Variants in CALML4 observed in about 807,000 individuals in gnomAD.
CALML4 encodes the protein calmodulin-like protein 4.
Under a neutral mutation model 17.9 loss-of-function variants are expected in CALML4, and 16 were observed. The ratio of observed to expected loss-of-function variants is 0.89; its 90% confidence interval spans 0.61 to 1.36. The LOEUF is 1.36. Among genes scored for constraint, CALML4 ranks in the 40% most tolerant of loss-of-function variants. The pLI, the probability that CALML4 is intolerant of heterozygous loss-of-function variation, is 0.00. For missense variants in CALML4, 203 were observed against 194.8 expected, an observed-to-expected ratio of 1.04 and a Z score of -0.25; for synonymous variants, 86 against 71.5, an observed-to-expected ratio of 1.20 and a Z score of -1.02.
At chr15:68,203,595 T>C (rs950124931) in intron 2 of CALML4, among the ~76,000 whole-genome samples, 2 of 152,244 alleles carry the variant, frequency 1.3e-5, no homozygotes, top group African/African-American at 4.8e-5. Flanking sequence ...TGGCTCTTGC[T>C]AGCTGTAGTG....
chr15:68,199,575 C>A lies in CALML4; in HGVS notation c.141G>T (p.Gly47=). 1 of 1,613,798 alleles carries A rather than the reference C, an allele frequency of 6.2e-7. No individual in the cohort carries two copies. The highest frequency in any genetic ancestry group is 8.5e-7 in the Non-Finnish European group (1 of 1,179,958). Reference sequence around the variant, plus strand: ...GGGTCTGCAGGTGCCGCTGCACCTCCCCTGGCGTCGGGCTGGCCCCCAGGC... The same window carrying A: ...GGGTCTGCAGGTGCCGCTGCACCTCACCTGGCGTCGGGCTGGCCCCCAGGC... ...MRCLGASPTP[G]EVQRHLQTHG... The change falls in exon 3 of 5, where the codon GGG becomes GGT. Residue 47 remains glycine (G), a synonymous_variant. Transcript: ENST00000467889.
In CALML4 at chr15:68,205,146, C is replaced by G. The variant is rs925853068; in HGVS notation, c.9G>C (p.Lys3Asn). The change falls in exon 2 of 5, where the codon AAG (lysine) becomes AAC (asparagine). Residue 3 changes from lysine (K) to asparagine (N), a missense_variant. Lys to Asn is a moderately conservative substitution (Grantham distance 94, BLOSUM62 0). Transcript: ENST00000467889. This position sits in a 1 kb window ranked among gnomAD's most constrained non-coding sequence, Gnocchi z 4.8. ...CATTAATTTGGTCTTGGGAAAGAAA[C>G]TTGGCCTGCAGCAGAGAAAGGAAAA... is the stretch of plus-strand genomic sequence containing the variant. MA[K>N]FLSQDQINEY... The G allele has an allele frequency of 6.2e-7, 1 of 1,614,030 alleles. No homozygotes were observed. Among genetic ancestry groups the G allele is most frequent in the Non-Finnish European group, 8.5e-7 (1 of 1,180,044 alleles).
rs1323099769 is a variant in CALML4 at position 68,197,842 on chromosome 15, G to A, written c.176-214C>T. 2.0e-5 allele frequency: 11 copies of A among 544,424 alleles called. No individual in the cohort carries two copies. Among genetic ancestry groups the A allele is most frequent in the Admixed American group, 6.3e-5 (2 of 31,638 alleles). The allele number at this position is 544,424 out of a possible 1,614,324, so 33.7% of individuals were successfully genotyped here. A position where few individuals can be genotyped will look rare whatever the true frequency, so the allele number is the denominator to read the frequency against. On this transcript the variant is annotated intron_variant, in intron 3 of 4. Transcript: ENST00000467889. The surrounding 1 kb of genome is among the most constrained non-coding windows in gnomAD (Gnocchi z 4.1). Reference sequence around the variant, plus strand: ...ACTGGACATTCTTCATTTCAGCAACGTCCTCAGTGACGATGCTTATCATCA... The same window carrying A: ...ACTGGACATTCTTCATTTCAGCAACATCCTCAGTGACGATGCTTATCATCA...
chr15:68,200,511 C>T lies in CALML4; in HGVS notation c.35-830G>A, dbSNP rs574358539. Among the ~76,000 whole-genome samples the T allele has an allele frequency of 1.3e-5, 2 of 152,342 alleles. No homozygotes were observed. Among genetic ancestry groups the T allele is most frequent in the East Asian group, 3.9e-4 (2 of 5,178 alleles). ...ACACAGCCATCCCACGGGCTCCCGGCCCTGGGAGGCCCAGGAAGGCCAGCT... is the reference window on the plus strand; with the variant it reads ...ACACAGCCATCCCACGGGCTCCCGGTCCTGGGAGGCCCAGGAAGGCCAGCT... On this transcript the variant is annotated intron_variant, in intron 2 of 4. Coordinates refer to ENST00000467889, the MANE Select transcript of CALML4 (RefSeq NM_033429.3). This position sits in a 1 kb window ranked among gnomAD's most constrained non-coding sequence, Gnocchi z 4.3.
upstream of CALML4, chr15:68,205,590 C>T: frequency 1.7e-6 from 1 of 590,024 alleles, no homozygotes; most frequent in Non-Finnish European, 3.0e-6. The surrounding 1 kb of genome is among the most constrained non-coding windows in gnomAD (Gnocchi z 4.8). Context: ...TTCTCTCTCT[C>T]TCCTGGGACT....
At chr15:68,199,741 T>TCC in intron 2 of CALML4, 60 bp from the exon 3 acceptor site, 1 of 1,547,430 alleles carries the variant, frequency 6.5e-7, no homozygotes. Flanking sequence ...CATGCCGCCC[T>TCC]CCCCATCCTT....
Position 68,197,540 on chromosome 15 carries a change from T to C in CALML4, c.264A>G (p.Leu88=), listed in dbSNP as rs1171891635. The change falls in exon 4 of 5, where the codon CTA becomes CTG. Residue 88 remains leucine (L), a synonymous_variant. Coordinates refer to ENST00000467889, the MANE Select transcript of CALML4 (RefSeq NM_033429.3). The surrounding 1 kb of genome is among the most constrained non-coding windows in gnomAD (Gnocchi z 4.1). ...TCTCCTTGTCCACCATCAACATGGC[T>C]AGAAGAATTTCTTTCTTTGGGTCTT... The part of the protein sequence containing the change: ...KQEDPKKEIL[L]AMLMVDKEKK... 1.9e-6 allele frequency: 3 copies of C among 1,614,024 alleles called. No homozygotes were observed. The African/African-American group carries it at 4.0e-5, about 22-fold the overall frequency.
upstream of CALML4, chr15:68,205,523 G>T: frequency 1.1e-6 from 1 of 949,780 alleles, no homozygotes; most frequent in Non-Finnish European, 1.5e-6. The surrounding 1 kb of genome is among the most constrained non-coding windows in gnomAD (Gnocchi z 4.8). Flanking sequence ...AGAAGCCGAA[G>T]CAAAGGGACA....
intron 2 of CALML4, among the ~76,000 whole-genome samples, chr15:68,202,805 G>A (rs1269134635): frequency 5.3e-5 from 7 of 132,578 alleles, no homozygotes; most frequent in East Asian, 2.1e-4. Flanking sequence ...CACCATGACC[G>A]GCTTTTTTTT....
chr15:68,195,803 A>G (rs2093141955), intron 4 of CALML4, among the ~76,000 whole-genome samples: 2 of 152,206 alleles, frequency 1.3e-5, no homozygotes. Context: ...TCTGTGAAAC[A>G]GTCCTCTGCT....
chr15:68,196,445 TTTA>T (rs1421990881), intron 4 of CALML4, among the ~76,000 whole-genome samples: 1 of 151,916 alleles, frequency 6.6e-6, no homozygotes, highest in Non-Finnish European at 1.5e-5. Context: ...CCTCCAGTGG[TTTA>T]TTGTGATTTA....
upstream of CALML4, chr15:68,205,425 C>T (rs750242715): frequency 4.3e-6 from 7 of 1,609,290 alleles, no homozygotes; most frequent in South Asian, 6.6e-5. This position sits in a 1 kb window ranked among gnomAD's most constrained non-coding sequence, Gnocchi z 4.8. Flanking sequence ...TTCCTGAGCA[C>T]AGCTCATGAC....
intron 3 of CALML4, chr15:68,198,081 C>G (rs1356726458): frequency 2.6e-5 from 4 of 155,352 alleles, no homozygotes; most frequent in African/African-American, 9.6e-5. Context: ...GCTCACCTGC[C>G]TTCCCCTCAC....
intron 2 of CALML4, among the ~76,000 whole-genome samples, chr15:68,202,807 C>CTTT (rs35057668): frequency 1.7e-4 from 16 of 95,032 alleles, no homozygotes; most frequent in African/African-American, 2.0e-4. Flanking sequence ...CCATGACCGG[C>CTTT]TTTTTTTTTT....
rs2093118476 is a variant in CALML4, at chr15:68,191,253, A to G, written c.*2762T>C. On this transcript the variant is annotated 3_prime_UTR_variant, in exon 5 of 5. Transcript: ENST00000467889. ...TTCCATGAACTTAAATCTGTGATTCATTGCCTTAAAACTTTCTCTCTTAGA... is the reference window on the plus strand; with the variant it reads ...TTCCATGAACTTAAATCTGTGATTCGTTGCCTTAAAACTTTCTCTCTTAGA... 1 of 152,652 alleles carries G rather than the reference A, an allele frequency of 6.6e-6. No individual in the cohort carries two copies. Among genetic ancestry groups the G allele is most frequent in the Admixed American group, 6.5e-5 (1 of 15,286 alleles). 9.5% of individuals were successfully genotyped at this position (152,652 alleles called of 1,614,324 possible).
Position 68,193,621 on chromosome 15 carries a change from A to G in CALML4, c.*394T>C, listed in dbSNP as rs775085426. 1 of 182,824 alleles carries G rather than the reference A, an allele frequency of 5.5e-6. No individual in the cohort carries two copies. The highest frequency in any genetic ancestry group is 1.2e-5 in the Non-Finnish European group (1 of 86,882). 11.3% of individuals were successfully genotyped at this position (182,824 alleles called of 1,614,324 possible). The stretch of plus-strand genomic sequence containing the variant: ...AGATTGCCCTTAAGTCATCAGCTCA[A>G]TCCTTCCTCAACAGGCTCCATGAGG... On this transcript the variant is annotated 3_prime_UTR_variant, in exon 5 of 5. Coordinates refer to ENST00000467889, the MANE Select transcript of CALML4 (RefSeq NM_033429.3).
chr15:68,204,360 G>C lies in CALML4; in HGVS notation c.34+761C>G, dbSNP rs1423512774. ...AAGACCTGGAGGAATGGGATGCCTC[G>C]GGGGACTCTCAGGCCCATTGACGTC... On this transcript the variant is annotated intron_variant, in intron 2 of 4. Transcript: ENST00000467889. This position sits in a 1 kb window ranked among gnomAD's most constrained non-coding sequence, Gnocchi z 6.0. 6.6e-6 allele frequency among the ~76,000 whole-genome samples: 1 copy of C among 152,138 alleles called. No individual in the cohort carries two copies. Among genetic ancestry groups the C allele is most frequent in the Non-Finnish European group, 1.5e-5 (1 of 68,030 alleles).
At position 68,194,010 on chromosome 15, in the gene CALML4, C is replaced by CTCT. The variant is rs750647662; in HGVS notation, c.*4_*5insAGA. 3.1e-6 allele frequency: 5 copies of CTCT among 1,608,726 alleles called. No individual in the cohort carries two copies. In the South Asian group the frequency reaches 5.5e-5, roughly 18 times the overall value. On this transcript the variant is annotated 3_prime_UTR_variant, in exon 5 of 5. Transcript: ENST00000467889. The stretch of plus-strand genomic sequence containing the variant: ...GCCCAGGGGAGGCTCTCCCATTCTC[C>CTCT]TCCTTCAATAGTCCCGTCCAGGAAG...
At position 68,191,059 on chromosome 15, in the gene CALML4, T is replaced by G. The variant is rs1199733627; in HGVS notation, c.*2956A>C. 6.6e-6 allele frequency: 1 copy of G among 152,498 alleles called. No individual in the cohort carries two copies. Among genetic ancestry groups the G allele is most frequent in the African/African-American group, 2.4e-5 (1 of 41,372 alleles). 9.4% of individuals were successfully genotyped at this position (152,498 alleles called of 1,614,324 possible). ...ACTTTTTAAAGCACATTTGAAATTA[T>G]TTTAGTAAGAATTTTGTTTTATCAA... On this transcript the variant is annotated 3_prime_UTR_variant, in exon 5 of 5. Transcript: ENST00000467889.
Sources: gnomAD v4.1 joint callset for allele counts (sites outside exome capture counted in the v4.1 genomes callset) on GRCh38, gnomAD v4.1.1 for gene constraint, Gnocchi (gnomAD v3.1) non-coding constraint, MANE v1.5 for transcripts, NCBI Gene and HGNC (gene_info 2026-07-23, HGNC 2026-07-21) for gene names.